TRIM55: variants seen among roughly 807,000 people sequenced by gnomAD.
The protein encoded by TRIM55 is tripartite motif-containing protein 55.
A neutral mutation model predicts 60.9 loss-of-function variants in TRIM55; 50 were observed. The ratio of observed to expected loss-of-function variants is 0.82; its 90% CI spans 0.65 to 1.04. The LOEUF (loss-of-function observed/expected upper bound fraction) is 1.04, where lower values mean the gene tolerates loss of function less well. Among genes scored for constraint, TRIM55 ranks in the 50% least tolerant of loss-of-function variants. The probability of loss-of-function intolerance (pLI) is 0.00; values close to 1 mark genes in which losing one functional copy is unlikely to be tolerated. For missense variants in TRIM55, 681 were observed against 666.9 expected (o/e 1.02, Z -0.23); for synonymous variants, 237 against 238.1 (o/e 1.00, Z 0.04).
At chr8:66,140,591 G>A (rs950683393) in intron 4 of TRIM55, among the ~76,000 whole-genome samples, 5 of 152,318 alleles carry the variant, frequency 3.3e-5, no homozygotes, top group East Asian at 1.9e-4. Flanking sequence ...ATCTGTCATC[G>A]CTGGGGTGAT....
chr8:66,162,509 G>T (rs1209652746), intron 9 of TRIM55, among the ~76,000 whole-genome samples: 4 of 149,344 alleles, frequency 2.7e-5, no homozygotes, highest in Non-Finnish European at 3.0e-5. Context: ...CCCTGGTTTT[G>T]GTATTAGGGT....
upstream of TRIM55, among the ~76,000 whole-genome samples, chr8:66,122,977 A>G (rs912965886): frequency 1.3e-5 from 2 of 152,320 alleles, no homozygotes; most frequent in South Asian, 2.1e-4. Context: ...TCTACATTCT[A>G]TAGAGAATCC....
chr8:66,140,979 C>T (rs1809777360), intron 4 of TRIM55, among the ~76,000 whole-genome samples: 1 of 152,184 alleles, frequency 6.6e-6, no homozygotes, highest in Middle Eastern at 3.4e-3. Context: ...ATTACACAGC[C>T]TCTCCCCGCC....
chr8:66,150,812 A>G (rs1431776213), intron 7 of TRIM55, among the ~76,000 whole-genome samples: 1 of 151,978 alleles, frequency 6.6e-6, no homozygotes, highest in Non-Finnish European at 1.5e-5. Flanking sequence ...GATTACAGGC[A>G]CCTGCCACCA....
upstream of TRIM55, among the ~76,000 whole-genome samples, chr8:66,125,914 G>T (rs887875207): frequency 6.6e-6 from 1 of 152,106 alleles, no homozygotes; most frequent in Non-Finnish European, 1.5e-5. Flanking sequence ...AAAGAAAGCC[G>T]AAATTTATCA....
chr8:66,149,445 A>T (rs1241909300), intron 4 of TRIM55, among the ~76,000 whole-genome samples, 200 bp from the exon 5 acceptor site: 1 of 152,250 alleles, frequency 6.6e-6, no homozygotes, highest in Non-Finnish European at 1.5e-5. Flanking sequence ...AGTTTTAGAT[A>T]GTCTAAATAT....
At chr8:66,144,951 C>T (rs917280758) in intron 4 of TRIM55, among the ~76,000 whole-genome samples, 3 of 152,196 alleles carry the variant, frequency 2.0e-5, no homozygotes, top group Non-Finnish European at 2.9e-5. Flanking sequence ...GAAAGTGTTG[C>T]AGATTCACAT....
upstream of TRIM55, among the ~76,000 whole-genome samples, chr8:66,122,241 A>C (rs1288248306): frequency 1.3e-5 from 2 of 152,182 alleles, no homozygotes; most frequent in Admixed American, 6.5e-5. Flanking sequence ...ATTCTATTCA[A>C]AGTCACCCCT....
chr8:66,157,097 A>C (rs74691973), intron 9 of TRIM55, among the ~76,000 whole-genome samples: 4,346 of 152,132 alleles, frequency 0.029, 79 homozygotes, highest in Non-Finnish European at 0.045. Flanking sequence ...GTCACTACAT[A>C]TATGTCTTGT....
chr8:66,131,656 C>A (rs1809166255), intron 2 of TRIM55, among the ~76,000 whole-genome samples: 1 of 152,158 alleles, frequency 6.6e-6, no homozygotes. Context: ...GCACAAAGTC[C>A]TCCTCTTTTC....
the TRIM55 span, among the ~76,000 whole-genome samples, chr8:66,115,998 G>A: frequency 6.6e-6 from 1 of 152,148 alleles, no homozygotes; most frequent in Non-Finnish European, 1.5e-5. Flanking sequence ...CCTAGAGGCC[G>A]GGCAAGCATA....
the TRIM55 span, among the ~76,000 whole-genome samples, chr8:66,118,891 T>TTGGA: frequency 6.6e-6 from 1 of 152,080 alleles, no homozygotes; most frequent in South Asian, 2.1e-4. Flanking sequence ...GGATGGATGG[T>TTGGA]TGGATGGATG....
Position 66,127,186 on chromosome 8 carries a change from T to C in TRIM55, c.-83T>C. 7.2e-7 allele frequency: 1 copy of C among 1,397,978 alleles called. No homozygotes were observed. Among genetic ancestry groups the C allele is most frequent in the Non-Finnish European group, 9.8e-7 (1 of 1,019,320 alleles). 86.6% of individuals were successfully genotyped at this position (1,397,978 alleles called of 1,614,324 possible). ...ACGTAAAGGACACTTGATCACACAATCCCTGGAATAATATCCAGGAAACAC... is the reference window on the plus strand; with the variant it reads ...ACGTAAAGGACACTTGATCACACAACCCCTGGAATAATATCCAGGAAACAC... On this transcript the variant is annotated 5_prime_UTR_variant, in exon 1 of 10. Transcript: ENST00000315962.
chr8:66,131,670 C>G (rs1809167037), intron 2 of TRIM55, among the ~76,000 whole-genome samples: 1 of 152,176 alleles, frequency 6.6e-6, no homozygotes. Flanking sequence ...TCTTTTCAGC[C>G]TCTCCCAGTC....
chr8:66,151,212 T>C (rs978686633), intron 7 of TRIM55, among the ~76,000 whole-genome samples: 2 of 152,114 alleles, frequency 1.3e-5, no homozygotes, highest in African/African-American at 4.8e-5. Context: ...ATAGAATAAG[T>C]CACAACCTGA....
At chr8:66,114,093 C>A in the TRIM55 span, among the ~76,000 whole-genome samples, 70 of 136,510 alleles carry the variant, frequency 5.1e-4, 3 homozygotes, top group African/African-American at 1.8e-3. Context: ...CCCCCCCCCC[C>A]ATTATTTTGT....
At chr8:66,130,910 C>T (rs1427698447) in intron 2 of TRIM55, among the ~76,000 whole-genome samples, 3 of 151,978 alleles carry the variant, frequency 2.0e-5, no homozygotes, top group Non-Finnish European at 4.4e-5. Flanking sequence ...ATCCACCCGC[C>T]TCGGCTTCCC....
At chr8:66,166,356 A>T (rs1217802606) in intron 9 of TRIM55, among the ~76,000 whole-genome samples, 4 of 152,216 alleles carry the variant, frequency 2.6e-5, no homozygotes, top group Admixed American at 6.5e-5. Context: ...AGCTGTTATG[A>T]CACAGCTAGC....
intron 3 of TRIM55, among the ~76,000 whole-genome samples, chr8:66,136,571 CA>C (rs1190520473): frequency 6.6e-6 from 1 of 152,130 alleles, no homozygotes; most frequent in Admixed American, 6.5e-5. Context: ...CTTCCTAAGT[CA>C]AAAGAGCAAA....
Sources: gnomAD v4.1 joint callset for allele counts (sites outside exome capture counted in the v4.1 genomes callset) on GRCh38, gnomAD v4.1.1 for gene constraint, MANE v1.5 for transcripts, NCBI Gene and HGNC (gene_info 2026-07-23, HGNC 2026-07-21) for gene names.